Variants in HNF1B observed in about 807,000 individuals in gnomAD.
The protein encoded by HNF1B is hepatocyte nuclear factor 1-beta.
In HNF1B, 8 loss-of-function variants were observed where a neutral mutation model predicts 61.7. The observed-to-expected ratio is 0.13, with a 90% confidence interval of 0.08 to 0.23. The LOEUF (loss-of-function observed/expected upper bound fraction) is 0.23. HNF1B is among the 10% of genes least tolerant of loss of function. The pLI is 1.00. For missense variants in HNF1B, 562 were observed against 714.5 expected, an observed-to-expected ratio of 0.79 and a Z score of 2.43; for synonymous variants, 314 against 287.7, an observed-to-expected ratio of 1.09 and a Z score of -0.93.
intron 4 of HNF1B, among the ~76,000 whole-genome samples, chr17:37,714,024 G>GAGCC (rs2033023605): frequency 6.6e-6 from 1 of 152,220 alleles, no homozygotes; most frequent in Non-Finnish European, 1.5e-5. Context: ...GTAGGCTCTG[G>GAGCC]AGCCAGGTGA....
At chr17:37,731,358 A>G in intron 4 of HNF1B, 1 of 647,140 alleles carries the variant, frequency 1.5e-6, no homozygotes, top group Non-Finnish European at 2.8e-6. Flanking sequence ...CAAATAGGGT[A>G]AAGGGCTCCC....
At chr17:37,687,493 G>T (rs751766503) in intron 8 of HNF1B, 101 bp from the exon 9 acceptor site, 1 of 879,370 alleles carries the variant, frequency 1.1e-6, no homozygotes, top group Non-Finnish European at 1.9e-6. Context: ...AACTCAACCA[G>T]CAAAGAGCAG....
Position 37,687,377 on chromosome 17 carries a change from A to G in HNF1B, c.1669T>C (p.Trp557Arg), listed in dbSNP as rs2032010228. 6.2e-7 allele frequency: 1 copy of G among 1,613,734 alleles called. No homozygotes were observed. Among genetic ancestry groups the G allele is most frequent in the Non-Finnish European group, 8.5e-7 (1 of 1,179,840 alleles). ...SSSKQCPLQA[W>R] ...AAGTAAGTGGTGTGTGGGCATCACC[A>G]GGCTTGTAGAGGACACTGCAGAGAG... The change falls in exon 9 of 9, where the codon TGG becomes CGG. Residue 557 changes from tryptophan (W) to arginine (R), a missense_variant. Physicochemically the swap from Trp to Arg is moderately radical, Grantham distance 101. Transcript: ENST00000617811.
chr17:37,710,556 A>T lies in HNF1B; in HGVS notation c.1153T>A (p.Ser385Thr). 6.2e-7 allele frequency: 1 copy of T among 1,614,056 alleles called. No individual in the cohort carries two copies. The highest frequency in any genetic ancestry group is 8.5e-7 in the Non-Finnish European group (1 of 1,180,006). The change falls in exon 5 of 9, where the codon TCC (serine) becomes ACC (threonine). Residue 385 changes from serine (S) to threonine (T), a missense_variant. Physicochemically the swap from Ser to Thr is moderately conservative, Grantham distance 58. Coordinates refer to ENST00000617811, the MANE Select transcript of HNF1B (RefSeq NM_000458.4). ...TGGCCTGGGTCCAGGCTGGCTGGGG[A>T]GACTTGCTGTAAAACCGACTGGCTG... ...VTSQSVLQQVSPASLDPGHNL... is the reference protein window; with the variant it reads ...VTSQSVLQQVTPASLDPGHNL...
chr17:37,707,194 C>T (rs373237358), intron 5 of HNF1B, among the ~76,000 whole-genome samples: 2 of 151,504 alleles, frequency 1.3e-5, no homozygotes, highest in East Asian at 1.9e-4. Context: ...CAGCTCACTG[C>T]AGCTTCGAAC....
chr17:37,722,499 C>G (rs1295818459), intron 4 of HNF1B, among the ~76,000 whole-genome samples: 1 of 152,250 alleles, frequency 6.6e-6, no homozygotes, highest in Non-Finnish European at 1.5e-5. Flanking sequence ...ACACACGCAT[C>G]TGAATCCGGT....
At chr17:37,719,534 T>G (rs2033237618) in intron 4 of HNF1B, among the ~76,000 whole-genome samples, 2 of 152,242 alleles carry the variant, frequency 1.3e-5, no homozygotes, top group African/African-American at 4.8e-5. Context: ...CTAAAGGCTG[T>G]GGGGACACAG....
chr17:37,716,879 TC>T (rs2033139894), intron 4 of HNF1B, among the ~76,000 whole-genome samples: 1 of 126,292 alleles, frequency 7.9e-6, no homozygotes, highest in Non-Finnish European at 1.7e-5. Flanking sequence ...TCTCTCTCTC[TC>T]TCTCTCTGCC....
chr17:37,687,220 C>CT lies in HNF1B; in HGVS notation c.*151dup. On this transcript the variant is annotated 3_prime_UTR_variant, in exon 9 of 9. Transcript: ENST00000617811. ...GCTGCGCCTCCTGAGAGTGGATTGT[C>CT]TGAGGTGCCAGCAGGACGTCCGTCA... The CT allele has an allele frequency of 7.9e-7, 1 of 1,270,210 alleles. No individual in the cohort carries two copies. The highest frequency in any genetic ancestry group is 1.1e-6 in the Non-Finnish European group (1 of 888,476). 78.7% of individuals were successfully genotyped at this position (1,270,210 alleles called of 1,614,324 possible).
intron 8 of HNF1B, among the ~76,000 whole-genome samples, chr17:37,692,622 A>G (rs199934397): frequency 2.0e-5 from 3 of 151,872 alleles, no homozygotes; most frequent in East Asian, 3.9e-4. Flanking sequence ...TCGTTCGTTC[A>G]TTCATTCTTT....
intron 6 of HNF1B, among the ~76,000 whole-genome samples, chr17:37,703,567 G>T (rs75043782): frequency 5.5e-4 from 83 of 152,136 alleles, no homozygotes; most frequent in African/African-American, 1.9e-3. Flanking sequence ...CAAACAAGCT[G>T]GTTTTAGGTA....
chr17:37,699,326 C>A (rs2032488316), intron 7 of HNF1B, 132 bp from the exon 8 acceptor site: 2 of 756,054 alleles, frequency 2.6e-6, no homozygotes, highest in African/African-American at 3.4e-5. Flanking sequence ...GTGGGGATTT[C>A]TCATATTAGT....
At chr17:37,692,602 A>ATTCT (rs1318049784) in intron 8 of HNF1B, among the ~76,000 whole-genome samples, 3 of 146,814 alleles carry the variant, frequency 2.0e-5, no homozygotes, top group African/African-American at 8.0e-5. Flanking sequence ...CGGGTTCTGC[A>ATTCT]TTCATTCGTT....
rs2032698615 is a variant in HNF1B, at chr17:37,705,065, A to T, written c.1207-16T>A. 6.2e-7 allele frequency: 1 copy of T among 1,610,766 alleles called. No homozygotes were observed. Among genetic ancestry groups the T allele is most frequent in the Admixed American group, 1.7e-5 (1 of 59,328 alleles). On this transcript the variant is annotated splice_polypyrimidine_tract_variant and intron_variant, in intron 5 of 8. Transcript: ENST00000617811. The stretch of plus-strand genomic sequence containing the variant: ...AGACTGAGATCTGATGGAGAGAAAA[A>T]AACAAGAGAAACATGGGTGGACTTG...
intron 5 of HNF1B, 109 bp downstream of exon 5, chr17:37,710,394 C>T: frequency 7.0e-7 from 1 of 1,418,796 alleles, no homozygotes; most frequent in Non-Finnish European, 1.0e-6. Flanking sequence ...TCATTTTCCC[C>T]TATGGGGCTA....
chr17:37,731,106 C>T (rs1030986790), intron 4 of HNF1B: 15 of 206,546 alleles, frequency 7.3e-5, no homozygotes, highest in Non-Finnish European at 4.0e-5. Flanking sequence ...AGGCCACCAA[C>T]AGAGTGGCCG....
chr17:37,716,842 ATCTCTCTCTCTCTC>A (rs55634127), intron 4 of HNF1B, among the ~76,000 whole-genome samples: 25,215 of 131,172 alleles, frequency 0.19, 2,330 homozygotes, highest in African/African-American at 0.27. Context: ...CACTTTAACA[ATCTCTCTCTCTCTC>A]TCTCTCTCTC....
intron 5 of HNF1B, among the ~76,000 whole-genome samples, chr17:37,708,489 T>C (rs1286232069): frequency 1.3e-5 from 2 of 152,102 alleles, no homozygotes; most frequent in Middle Eastern, 3.2e-3. Context: ...GCAGCTTGCC[T>C]CTTAGAAGGA....
At chr17:37,689,691 T>A (rs2032125370) in intron 8 of HNF1B, among the ~76,000 whole-genome samples, 1 of 152,212 alleles carries the variant, frequency 6.6e-6, no homozygotes, top group African/African-American at 2.4e-5. Context: ...GTGGTAGCTG[T>A]GGCAAATGTG....
Sources: allele counts gnomAD v4.1 joint callset (sites outside exome capture counted in the v4.1 genomes callset), GRCh38; gene constraint gnomAD v4.1.1; transcripts MANE v1.5; gene names NCBI Gene and HGNC (gene_info 2026-07-23, HGNC 2026-07-21).